The following CTNND2 variants were observed in gnomAD, a reference collection of about 807,000 sequenced individuals.
The protein encoded by CTNND2 is catenin delta-2.
CTNND2 carries 22 observed loss-of-function variants against 144.4 expected under a neutral mutation model. The observed-to-expected ratio is 0.15, with a 90% confidence interval of 0.11 to 0.22. The LOEUF is 0.22. CTNND2 is among the 10% of genes least tolerant of loss of function. The probability of loss-of-function intolerance (pLI) is 1.00; values close to 1 mark genes in which losing one functional copy is unlikely to be tolerated. For missense variants in CTNND2, 1,353 were observed against 1,618.8 expected, an observed-to-expected ratio of 0.84 and a Z score of 2.82; for synonymous variants, 751 against 695.6, an observed-to-expected ratio of 1.08 and a Z score of -1.25.
At chr5:11,583,118 G>A (rs1202314142) in intron 2 of CTNND2, among the ~76,000 whole-genome samples, 1 of 152,190 alleles carries the variant, frequency 6.6e-6, no homozygotes, top group Non-Finnish European at 1.5e-5. Flanking sequence ...AGACTCACTT[G>A]CCCTCCTTAG....
intron 11 of CTNND2, among the ~76,000 whole-genome samples, chr5:11,171,084 G>A (rs1759855225): frequency 6.6e-6 from 1 of 152,192 alleles, no homozygotes; most frequent in Admixed American, 6.5e-5. Context: ...AGAGATTTGG[G>A]TGGGGACAGA....
At position 11,695,553 on chromosome 5, in the gene CTNND2, T is replaced by A. The variant is rs564379295; in HGVS notation, c.174+36583A>T. ...ATTCAGAGATGTTTTCCTATTTGTG[T>A]ATTAAAATAATGCTTTTCTATTTCT... On this transcript the variant is annotated intron_variant, in intron 2 of 21. Coordinates refer to ENST00000304623, the MANE Select transcript of CTNND2 (RefSeq NM_001332.4). 3.3e-5 allele frequency among the ~76,000 whole-genome samples: 5 copies of A among 152,376 alleles called. No homozygotes were observed. The East Asian group carries it at 7.7e-4, about 23-fold the overall frequency.
intron 3 of CTNND2, among the ~76,000 whole-genome samples, chr5:11,470,982 T>A (rs66906688): frequency 0.034 from 1,297 of 37,606 alleles, 10 homozygotes; most frequent in Middle Eastern, 0.062. Context: ...ATATATATAT[T>A]TTTTTTTTTT....
chr5:10,990,898 A>G (rs2149497908), intron 19 of CTNND2, among the ~76,000 whole-genome samples: 1 of 152,320 alleles, frequency 6.6e-6, no homozygotes, highest in Non-Finnish European at 1.5e-5. Context: ...CCGATCCATC[A>G]TGTCGTTTCA....
At chr5:11,635,319 G>C (rs571586395) in intron 2 of CTNND2, among the ~76,000 whole-genome samples, 6 of 152,110 alleles carry the variant, frequency 3.9e-5, no homozygotes, top group Admixed American at 3.9e-4. Flanking sequence ...AATGATCAGA[G>C]AGAACAGTGA....
rs373344106 is a variant in CTNND2 at position 11,432,258 on chromosome 5, T to C, written c.288-20189A>G. ...GAAAGTGTTGCAAGTTAGCATAAAT[T>C]GGCCATATGAGGACATGGGCTGAAA... On this transcript the variant is annotated intron_variant, in intron 3 of 21. Transcript: ENST00000304623. Among the ~76,000 whole-genome samples, 114 of 149,090 alleles carry C rather than the reference T, an allele frequency of 7.6e-4. 2 individuals carry two copies. The South Asian group carries it at 0.017, about 22-fold the overall frequency.
chr5:11,607,646 T>A (rs910999417), intron 2 of CTNND2, among the ~76,000 whole-genome samples: 3 of 152,206 alleles, frequency 2.0e-5, no homozygotes, highest in African/African-American at 4.8e-5. Context: ...GGGAAGTTGC[T>A]CAATAGTCTT....
At chr5:11,136,108 T>C (rs1756120185) in intron 12 of CTNND2, among the ~76,000 whole-genome samples, 1 of 152,158 alleles carries the variant, frequency 6.6e-6, no homozygotes, top group African/African-American at 2.4e-5. Context: ...AGGTATTATC[T>C]GTGAAGCAGA....
chr5:11,833,143 C>T (rs755306943), intron 1 of CTNND2, among the ~76,000 whole-genome samples: 4 of 152,162 alleles, frequency 2.6e-5, no homozygotes, highest in Admixed American at 6.5e-5. Flanking sequence ...TAGGCATTTA[C>T]GTGAGAAACA....
intron 3 of CTNND2, among the ~76,000 whole-genome samples, chr5:11,529,494 C>A (rs1005192875): frequency 6.6e-6 from 1 of 152,170 alleles, no homozygotes; most frequent in Admixed American, 6.5e-5. Flanking sequence ...TTTAACTCTG[C>A]CTTGGCACTC....
At chr5:11,753,374 A>C (rs1304664995) in intron 1 of CTNND2, among the ~76,000 whole-genome samples, 1 of 151,752 alleles carries the variant, frequency 6.6e-6, no homozygotes, top group East Asian at 1.9e-4. Context: ...CTGAAGGTTC[A>C]TAACATGAAG....
At chr5:11,220,772 G>A (rs867954928) in intron 10 of CTNND2, among the ~76,000 whole-genome samples, 3 of 152,158 alleles carry the variant, frequency 2.0e-5, no homozygotes, top group Non-Finnish European at 4.4e-5. Context: ...GTTCAGAGAC[G>A]TTTTGGCTTA....
At chr5:11,718,686 A>T (rs778084294) in intron 2 of CTNND2, among the ~76,000 whole-genome samples, 2 of 152,152 alleles carry the variant, frequency 1.3e-5, no homozygotes, top group Non-Finnish European at 2.9e-5. Context: ...ACTGAAATGT[A>T]ACATGTTGAA....
At chr5:11,031,461 G>A (rs1457185823) in intron 16 of CTNND2, among the ~76,000 whole-genome samples, 3 of 152,152 alleles carry the variant, frequency 2.0e-5, no homozygotes, top group Non-Finnish European at 4.4e-5. Context: ...GTACTTTACT[G>A]TCCAAGCCTT....
intron 6 of CTNND2, among the ~76,000 whole-genome samples, chr5:11,388,585 T>C (rs1419679441): frequency 6.6e-6 from 1 of 152,242 alleles, no homozygotes; most frequent in African/African-American, 2.4e-5. Context: ...AACTATTCTT[T>C]GGTTAAACAG....
chr5:11,200,811 TG>T (rs1737350857), intron 10 of CTNND2, among the ~76,000 whole-genome samples: 1 of 152,208 alleles, frequency 6.6e-6, no homozygotes, highest in Non-Finnish European at 1.5e-5. Flanking sequence ...CCCGAGTAAC[TG>T]GGACTATAGG....
At chr5:11,366,254 T>C (rs1756968871) in intron 7 of CTNND2, among the ~76,000 whole-genome samples, 1 of 152,196 alleles carries the variant, frequency 6.6e-6, no homozygotes, top group Non-Finnish European at 1.5e-5. Flanking sequence ...AGTTTTAAAA[T>C]TGCCAATAGA....
chr5:11,790,984 A>G (rs1321782613), intron 1 of CTNND2, among the ~76,000 whole-genome samples: 1 of 152,116 alleles, frequency 6.6e-6, no homozygotes, highest in Non-Finnish European at 1.5e-5. Flanking sequence ...GATGGGCCCA[A>G]TCCAACAGGA....
chr5:11,840,123 G>C (rs1794383492), intron 1 of CTNND2, among the ~76,000 whole-genome samples: 1 of 151,998 alleles, frequency 6.6e-6, no homozygotes, highest in South Asian at 2.1e-4. Flanking sequence ...AACTACATCT[G>C]AGTGGTCTGC....
Sources: gnomAD v4.1 joint callset for allele counts (sites outside exome capture counted in the v4.1 genomes callset) on GRCh38, gnomAD v4.1.1 for gene constraint, MANE v1.5 for transcripts, NCBI Gene and HGNC (gene_info 2026-07-23, HGNC 2026-07-21) for gene names.